The following EPHA6 variants were observed in gnomAD, a reference collection of about 807,000 sequenced individuals.
EPHA6 encodes EPH receptor A6.
A neutral mutation model predicts 112.0 loss-of-function variants in EPHA6; 50 were observed. That is an observed-to-expected ratio of 0.45 (90% confidence interval 0.36 to 0.56). EPHA6 has a LOEUF of 0.56. EPHA6 is among the 20% of genes least tolerant of loss of function. EPHA6 has a pLI of 0.00. For synonymous variants in EPHA6, 529 were observed against 490.7 expected (o/e 1.08, Z -1.03); for missense variants, 1,280 against 1,417.4 (o/e 0.90, Z 1.56).
At chr3:97,132,507 G>A (rs912008368) in intron 3 of EPHA6, among the ~76,000 whole-genome samples, 14 of 152,030 alleles carry the variant, frequency 9.2e-5, no homozygotes, top group African/African-American at 3.4e-4. Context: ...GGCTCCTTAC[G>A]TGATGATATT....
At chr3:97,555,801 G>T (rs926436207) in intron 11 of EPHA6, among the ~76,000 whole-genome samples, 1 of 151,802 alleles carries the variant, frequency 6.6e-6, no homozygotes, top group Admixed American at 6.6e-5. Flanking sequence ...AAATTTGTTT[G>T]GGTTCATTGT....
In EPHA6 at chr3:97,530,598, G is replaced by GA. The variant is rs1002141172; in HGVS notation, c.2201-1750dup. ...TCCAACAGGTTGAGAGAATCACTAA[G>GA]AAAAAAAAAACAGGATTATTCTTGT... On this transcript the variant is annotated intron_variant, in intron 10 of 17. Transcript: ENST00000389672. 4.8e-4 allele frequency among the ~76,000 whole-genome samples: 69 copies of GA among 142,996 alleles called. 1 individual carries two copies. The highest frequency in any genetic ancestry group is 3.5e-3 in the South Asian group (16 of 4,526). 93.8% of individuals were successfully genotyped at this position (142,996 alleles called of 152,430 possible). A position where few individuals can be genotyped will look rare whatever the true frequency, so the allele number is the denominator to read the frequency against.
intron 14 of EPHA6, among the ~76,000 whole-genome samples, chr3:97,685,189 C>G (rs2032157279): frequency 6.6e-6 from 1 of 152,122 alleles, no homozygotes; most frequent in African/African-American, 2.4e-5. Context: ...CAAATTTTGA[C>G]TAACAATTTT....
At chr3:97,174,364 G>A (rs574291994) in intron 3 of EPHA6, among the ~76,000 whole-genome samples, 1 of 152,028 alleles carries the variant, frequency 6.6e-6, no homozygotes, top group East Asian at 1.9e-4. Flanking sequence ...AAACATAGGA[G>A]TGCAGGTATC....
intron 3 of EPHA6, among the ~76,000 whole-genome samples, chr3:97,171,909 A>ATTGTTCTT (rs1362721470): frequency 2.6e-5 from 4 of 152,122 alleles, no homozygotes; most frequent in African/African-American, 9.6e-5. Flanking sequence ...ACTGAAGAAG[A>ATTGTTCTT]ACAATAAGGC....
rs1472846624 is a variant in EPHA6 at position 97,149,772 on chromosome 3, A to G, written c.1115-76492A>G. Among the ~76,000 whole-genome samples, 3 of 151,462 alleles carry G rather than the reference A, an allele frequency of 2.0e-5. No homozygotes were observed. The Admixed American group carries it at 2.0e-4, about 10-fold the overall frequency. On this transcript the variant is annotated intron_variant, in intron 3 of 17. Coordinates refer to ENST00000389672, the MANE Select transcript of EPHA6 (RefSeq NM_001080448.3). ...TGATGGTTGTAAGATGGTCAAATTT[A>G]TTATCATTTTAAGTACAAACTTATT... is the stretch of plus-strand genomic sequence containing the variant.
chr3:97,336,715 C>G (rs1011081251), intron 5 of EPHA6, among the ~76,000 whole-genome samples: 2 of 152,062 alleles, frequency 1.3e-5, no homozygotes, highest in African/African-American at 4.8e-5. Context: ...AATCATAATT[C>G]TATTGCATTT....
At chr3:97,581,899 G>A (rs2093442264) in intron 11 of EPHA6, among the ~76,000 whole-genome samples, 1 of 152,208 alleles carries the variant, frequency 6.6e-6, no homozygotes, top group African/African-American at 2.4e-5. Context: ...AGGCCAATAT[G>A]GGGTATTCTT....
intron 3 of EPHA6, among the ~76,000 whole-genome samples, chr3:96,998,511 ATTGT>A (rs2043507318): frequency 2.0e-5 from 3 of 151,794 alleles, no homozygotes; most frequent in South Asian, 4.1e-4. Flanking sequence ...CTCTTCAATG[ATTGT>A]TTATTTAGAT....
Position 97,641,166 on chromosome 3 carries a change from A to G in EPHA6, c.2784+3084A>G, listed in dbSNP as rs374429767. On this transcript the variant is annotated intron_variant, in intron 14 of 17. Coordinates refer to ENST00000389672, the MANE Select transcript of EPHA6 (RefSeq NM_001080448.3). ...ACAAAGCAAAATTATAAAAGAAGATATTCTATTATAACAAAATTATAATAG... is the reference window on the plus strand; with the variant it reads ...ACAAAGCAAAATTATAAAAGAAGATGTTCTATTATAACAAAATTATAATAG... Among the ~76,000 whole-genome samples the G allele has an allele frequency of 8.5e-5, 13 of 152,192 alleles. No homozygotes were observed. The East Asian group carries it at 2.3e-3, about 27-fold the overall frequency.
intron 6 of EPHA6, among the ~76,000 whole-genome samples, chr3:97,446,651 C>T (rs759209306): frequency 6.6e-6 from 1 of 152,088 alleles, no homozygotes; most frequent in Non-Finnish European, 1.5e-5. Context: ...ATAACTCTTA[C>T]GTTGTAGAAA....
At chr3:97,639,633 ATGG>A (rs2107564024) in intron 14 of EPHA6, among the ~76,000 whole-genome samples, 1 of 152,274 alleles carries the variant, frequency 6.6e-6, no homozygotes, top group African/African-American at 2.4e-5. Flanking sequence ...GCTTTTTAAA[ATGG>A]TAAGCTTATA....
At chr3:96,841,400 T>G (rs761587415) in intron 1 of EPHA6, among the ~76,000 whole-genome samples, 2 of 152,142 alleles carry the variant, frequency 1.3e-5, no homozygotes, top group Non-Finnish European at 2.9e-5. Flanking sequence ...TTAATTTTCC[T>G]TTCACAGTTT....
chr3:97,023,948 C>G (rs546119889), intron 3 of EPHA6, among the ~76,000 whole-genome samples: 2 of 152,186 alleles, frequency 1.3e-5, no homozygotes, highest in South Asian at 4.1e-4. Flanking sequence ...AATAAAATGT[C>G]AAGGCTTATT....
At chr3:97,189,485 A>T (rs1367618110) in intron 3 of EPHA6, among the ~76,000 whole-genome samples, 1 of 152,108 alleles carries the variant, frequency 6.6e-6, no homozygotes, top group African/African-American at 2.4e-5. Context: ...CTCCAAACAA[A>T]ATTTTAATAC....
intron 3 of EPHA6, among the ~76,000 whole-genome samples, chr3:97,052,452 T>G (rs1310833008): frequency 6.6e-6 from 1 of 152,044 alleles, no homozygotes; most frequent in African/African-American, 2.4e-5. Flanking sequence ...ACTGTGTGAG[T>G]TCCTTGAAGA....
chr3:97,100,610 C>G (rs1211040573), intron 3 of EPHA6, among the ~76,000 whole-genome samples: 2 of 145,312 alleles, frequency 1.4e-5, no homozygotes, highest in African/African-American at 2.7e-5. Context: ...ATTGTGTGAG[C>G]AGAGAATGGA....
chr3:96,960,202 C>T (rs1473265769), intron 2 of EPHA6, among the ~76,000 whole-genome samples: 1 of 152,086 alleles, frequency 6.6e-6, no homozygotes, highest in Non-Finnish European at 1.5e-5. Context: ...AGTTGATGTG[C>T]TCAGGGTCTG....
chr3:96,984,851 G>T lies in EPHA6; in HGVS notation c.451-2479G>T, dbSNP rs144590091. The stretch of plus-strand genomic sequence containing the variant: ...CGTGGGCATGGCACCCTCTAAGCCA[G>T]GTGTGGGATATAATCTCCTGGTGTG... On this transcript the variant is annotated intron_variant, in intron 2 of 17. Transcript: ENST00000389672. Among the ~76,000 whole-genome samples, 1,314 of 152,332 alleles carry T rather than the reference G, an allele frequency of 8.6e-3. 17 individuals are homozygous for T. The highest frequency in any genetic ancestry group is 0.028 in the African/African-American group (1,170 of 41,574).
Sources: allele counts gnomAD v4.1 joint callset (sites outside exome capture counted in the v4.1 genomes callset), GRCh38; gene constraint gnomAD v4.1.1; transcripts MANE v1.5; gene names NCBI Gene and HGNC (gene_info 2026-07-23, HGNC 2026-07-21).